KIF13A: variants seen among roughly 807,000 people sequenced by gnomAD.
KIF13A encodes the protein kinesin family member 13A, also known as kinesin-like protein KIF13A.
A neutral mutation model predicts 212.2 loss-of-function variants in KIF13A; 79 were observed. The ratio of observed to expected loss-of-function variants is 0.37; its 90% CI spans 0.31 to 0.45. The LOEUF (loss-of-function observed/expected upper bound fraction) is 0.45, where lower values mean the gene tolerates loss of function less well. Among genes scored for constraint, KIF13A ranks in the 20% least tolerant of loss-of-function variants. KIF13A has a pLI of 1.00. For synonymous variants in KIF13A, 789 were observed against 808.6 expected (o/e 0.98, Z 0.41); for missense variants, 1,901 against 2,209.0 (o/e 0.86, Z 2.79).
chr6:17,943,844 A>C (rs2150559552), intron 2 of KIF13A, among the ~76,000 whole-genome samples: 2 of 152,294 alleles, frequency 1.3e-5, no homozygotes, highest in East Asian at 3.9e-4. Flanking sequence ...CAGCATGAGC[A>C]TCAGTTGACT....
chr6:17,974,645 C>T (rs761727983), intron 2 of KIF13A, among the ~76,000 whole-genome samples: 1 of 135,716 alleles, frequency 7.4e-6, no homozygotes, highest in Non-Finnish European at 1.6e-5. Flanking sequence ...GTAACTGGGA[C>T]ACCTGGGAAG....
At chr6:17,925,367 G>A (rs771458601) in intron 2 of KIF13A, among the ~76,000 whole-genome samples, 15 of 152,210 alleles carry the variant, frequency 9.9e-5, no homozygotes, top group Non-Finnish European at 2.2e-4. Context: ...TGTGGGAAGA[G>A]CTGATTTGGT....
intron 17 of KIF13A, among the ~76,000 whole-genome samples, chr6:17,813,458 A>T (rs1402347457): frequency 6.6e-6 from 1 of 152,040 alleles, no homozygotes; most frequent in African/African-American, 2.4e-5. Context: ...CCAGCCTTGC[A>T]CTCTAGCCTG....
At chr6:17,813,430 A>C (rs1264606478) in intron 17 of KIF13A, among the ~76,000 whole-genome samples, 1 of 152,154 alleles carries the variant, frequency 6.6e-6, no homozygotes, top group Non-Finnish European at 1.5e-5. Flanking sequence ...CAGTGAGCGG[A>C]TATCATGCCA....
At chr6:17,767,471 T>G (rs1759110171) in intron 38 of KIF13A, among the ~76,000 whole-genome samples, 1 of 151,976 alleles carries the variant, frequency 6.6e-6, no homozygotes, top group African/African-American at 2.4e-5. Context: ...GCCAGGCTGG[T>G]CTCGAACTCC....
chr6:17,814,400 G>T (rs6912600), intron 17 of KIF13A, among the ~76,000 whole-genome samples: 7 of 151,784 alleles, frequency 4.6e-5, no homozygotes, highest in African/African-American at 1.5e-4. Flanking sequence ...AGGTGCCCAC[G>T]ACCGCACCTG....
intron 2 of KIF13A, among the ~76,000 whole-genome samples, chr6:17,909,862 C>T (rs769460814): frequency 6.6e-6 from 1 of 151,992 alleles, no homozygotes; most frequent in East Asian, 1.9e-4. Context: ...TCTAGCCTGG[C>T]GACAGAGTGA....
chr6:17,873,485 A>T, intron 3 of KIF13A, 48 bp from the exon 4 acceptor site: 2 of 1,287,474 alleles, frequency 1.6e-6, no homozygotes, highest in Non-Finnish European at 2.2e-6. Flanking sequence ...TTAACTTCTT[A>T]TGAGTAAATC....
At position 17,789,093 on chromosome 6, in the gene KIF13A, C is replaced by T. The variant is rs1051459836; in HGVS notation, c.3261+779G>A. Among the ~76,000 whole-genome samples the T allele has an allele frequency of 2.6e-5, 4 of 152,268 alleles. No individual in the cohort carries two copies. The highest frequency in any genetic ancestry group is 3.4e-3 in the Middle Eastern group (1 of 294). ...CCTTTGAAGATGTGTATGGAGAATC[C>T]GTACAAAGACTGGGAACCGAACCCA... On this transcript the variant is annotated intron_variant, in intron 26 of 38. Coordinates refer to ENST00000259711, the MANE Select transcript of KIF13A (RefSeq NM_022113.6). This position sits in a 1 kb window ranked among gnomAD's most constrained non-coding sequence, Gnocchi z 4.8.
rs2150588317 is a variant in KIF13A at position 17,961,836 on chromosome 6, A to G, written c.146+25218T>C. Among the ~76,000 whole-genome samples, 1 of 152,284 alleles carries G rather than the reference A, an allele frequency of 6.6e-6. No individual in the cohort carries two copies. The highest frequency in any genetic ancestry group is 1.9e-4 in the East Asian group (1 of 5,182). On this transcript the variant is annotated intron_variant, in intron 2 of 38. Coordinates refer to ENST00000259711, the MANE Select transcript of KIF13A (RefSeq NM_022113.6). The surrounding 1 kb of genome is among the most constrained non-coding windows in gnomAD (Gnocchi z 4.1). ...TCAAATTCTTCTCTTATTCTCACCT[A>G]AGCCCTGTGTTCCTCTGTATTCTAG...
intron 3 of KIF13A, among the ~76,000 whole-genome samples, chr6:17,887,335 A>AT (rs1281904561): frequency 1.3e-5 from 2 of 152,222 alleles, no homozygotes; most frequent in Non-Finnish European, 2.9e-5. Context: ...GCCATTGAAC[A>AT]TTTAAGGTTG....
chr6:17,766,519 T>C (rs1055218241), intron 38 of KIF13A, among the ~76,000 whole-genome samples: 4 of 152,250 alleles, frequency 2.6e-5, no homozygotes, highest in South Asian at 4.1e-4. Context: ...ATTACAGGCA[T>C]GAGACACCGT....
intron 12 of KIF13A, 71 bp downstream of exon 12, chr6:17,833,890 C>G (rs1353423093): frequency 4.5e-5 from 28 of 628,152 alleles, no homozygotes; most frequent in Non-Finnish European, 5.8e-5. Flanking sequence ...CTGAAGATGA[C>G]AGCAAACTAC....
rs113128498 is a variant in KIF13A, at chr6:17,839,914, T to G, written c.831-2331A>C. ...ATTTCAGATTTCTCGCCTGCAGAAT[T>G]GTGAGAAATAAATTTCTGTTGTTTT... On this transcript the variant is annotated intron_variant, in intron 9 of 38. Transcript: ENST00000259711. This position sits in a 1 kb window ranked among gnomAD's most constrained non-coding sequence, Gnocchi z 4.3. Among the ~76,000 whole-genome samples, 2 of 152,168 alleles carry G rather than the reference T, an allele frequency of 1.3e-5. No homozygotes were observed. The highest frequency in any genetic ancestry group is 4.8e-5 in the African/African-American group (2 of 41,446).
chr6:17,819,403 A>G (rs1764239135), intron 16 of KIF13A, among the ~76,000 whole-genome samples: 1 of 152,112 alleles, frequency 6.6e-6, no homozygotes, highest in Non-Finnish European at 1.5e-5. Flanking sequence ...TCTCTACTAA[A>G]AACACAAAAA....
chr6:17,909,578 G>A (rs1160266833), intron 2 of KIF13A, among the ~76,000 whole-genome samples: 1 of 150,982 alleles, frequency 6.6e-6, no homozygotes, highest in African/African-American at 2.4e-5. Flanking sequence ...AAGAAAATAT[G>A]TATGATAGAG....
At position 17,837,141 on chromosome 6, in the gene KIF13A, CAT is replaced by C; in HGVS notation, c.943-53_943-52del. On this transcript the variant is annotated intron_variant, in intron 10 of 38. Coordinates refer to ENST00000259711, the MANE Select transcript of KIF13A (RefSeq NM_022113.6). This position sits in a 1 kb window ranked among gnomAD's most constrained non-coding sequence, Gnocchi z 5.4. Reference sequence around the variant, plus strand: ...TAGGAAGCCCATTCCATGGACAACACATATGATAAAAGCACTAAATGTGTTAG... The same window carrying C: ...TAGGAAGCCCATTCCATGGACAACACATGATAAAAGCACTAAATGTGTTAG... 6.7e-7 allele frequency: 1 copy of C among 1,488,202 alleles called. No homozygotes were observed. Among genetic ancestry groups the C allele is most frequent in the East Asian group, 2.3e-5 (1 of 44,048 alleles). 92.2% of individuals were successfully genotyped at this position (1,488,202 alleles called of 1,614,324 possible).
Position 17,837,095 on chromosome 6 carries a change from CA to C in KIF13A, c.943-6del, listed in dbSNP as rs1161843050. 1 of 1,612,874 alleles carries C rather than the reference CA, an allele frequency of 6.2e-7. No homozygotes were observed. Among genetic ancestry groups the C allele is most frequent in the Non-Finnish European group, 8.5e-7 (1 of 1,179,148 alleles). On this transcript the variant is annotated splice_polypyrimidine_tract_variant and splice_region_variant and intron_variant, in intron 10 of 38. Coordinates refer to ENST00000259711, the MANE Select transcript of KIF13A (RefSeq NM_022113.6). The surrounding 1 kb of genome is among the most constrained non-coding windows in gnomAD (Gnocchi z 5.4). ...GCTGTTGCCCCCCAAGTTGTCCTGCCAAGTATTTCAAACAGCATCTTAGGAA... is the reference window on the plus strand; with the variant it reads ...GCTGTTGCCCCCCAAGTTGTCCTGCCAGTATTTCAAACAGCATCTTAGGAA...
intron 38 of KIF13A, among the ~76,000 whole-genome samples, chr6:17,765,679 C>T (rs1358367095): frequency 6.6e-6 from 1 of 152,104 alleles, no homozygotes; most frequent in Non-Finnish European, 1.5e-5. Context: ...CCCCTGTTCA[C>T]AAAAATTGGT....
Sources: gnomAD v4.1 joint callset for allele counts (sites outside exome capture counted in the v4.1 genomes callset) on GRCh38, gnomAD v4.1.1 for gene constraint, Gnocchi (gnomAD v3.1) non-coding constraint, MANE v1.5 for transcripts, NCBI Gene and HGNC (gene_info 2026-07-23, HGNC 2026-07-21) for gene names.